USP37: variants seen among roughly 807,000 people sequenced by gnomAD.
The protein encoded by USP37 is ubiquitin specific peptidase 37.
USP37 carries 27 observed loss-of-function variants against 124.0 expected under a neutral mutation model. That is an observed-to-expected ratio of 0.22 (90% CI 0.16 to 0.30). The LOEUF (loss-of-function observed/expected upper bound fraction) is 0.30, where lower values mean the gene tolerates loss of function less well. Ranked by LOEUF, USP37 falls within the 10% of genes least tolerant of loss-of-function variation. USP37 has a pLI of 1.00. For missense variants in USP37, 889 were observed against 1,140.4 expected (o/e 0.78, Z 3.17); for synonymous variants, 365 against 388.0 (o/e 0.94, Z 0.70).
At chr2:218,505,643 G>C (rs1689640044) in intron 11 of USP37, among the ~76,000 whole-genome samples, 1 of 152,148 alleles carries the variant, frequency 6.6e-6, no homozygotes, top group African/African-American at 2.4e-5. Flanking sequence ...TGATGATTTT[G>C]AGAAGTCTGA....
rs1156939524 is a variant in USP37 at position 218,485,695 on chromosome 2, G to C, written c.1639C>G (p.Leu547Val). 1.3e-6 allele frequency: 2 copies of C among 1,587,250 alleles called. No individual in the cohort carries two copies. Among genetic ancestry groups the C allele is most frequent in the African/African-American group, 2.8e-5 (2 of 71,116 alleles). ...AGCCTGTTAAATTTGTGCCTGACAA[G>C]AGCACACTTCCCACCACACTTCTCA... ...SCEKCGGKCALVRHKFNRLPR... is the reference protein window; with the variant it reads ...SCEKCGGKCAVVRHKFNRLPR... Residue 547 changes from leucine (L) to valine (V), a missense_variant, in exon 16 of 26, where the codon CTT becomes GTT. By Grantham distance (32) the Leu-to-Val change is conservative (BLOSUM62 1). This residue lies in a region of USP37 where 504 missense variants were observed against 714.3 expected (regional missense o/e 0.71). Transcript: ENST00000258399.
intron 14 of USP37, among the ~76,000 whole-genome samples, chr2:218,491,903 A>G (rs907090795): frequency 1.3e-5 from 2 of 152,148 alleles, no homozygotes; most frequent in African/African-American, 4.8e-5. Context: ...GGCACTATCT[A>G]AATGAGAATA....
chr2:218,466,221 T>C (rs1342431258), intron 20 of USP37, 45 bp from the exon 21 acceptor site: 2 of 1,551,310 alleles, frequency 1.3e-6, no homozygotes, highest in East Asian at 2.3e-5. Context: ...TCCTAATAAA[T>C]GGAAATTTCT....
chr2:218,553,202 C>T (rs1039767848), intron 5 of USP37, among the ~76,000 whole-genome samples: 2 of 152,178 alleles, frequency 1.3e-5, no homozygotes, highest in Non-Finnish European at 2.9e-5. Flanking sequence ...CCCCTAAGTA[C>T]GATGTTAGCT....
chr2:218,462,263 AG>A (rs1393354954), intron 22 of USP37, among the ~76,000 whole-genome samples: 2 of 152,170 alleles, frequency 1.3e-5, no homozygotes, highest in African/African-American at 4.8e-5. Flanking sequence ...TGAATCCGGG[AG>A]GCAGAGGTTG....
chr2:218,485,838 G>C, intron 15 of USP37, 95 bp from the exon 16 acceptor site: 1 of 1,333,868 alleles, frequency 7.5e-7, no homozygotes, highest in South Asian at 1.4e-5. Flanking sequence ...TCCATTAGTG[G>C]AATGACAACT....
intron 20 of USP37, among the ~76,000 whole-genome samples, chr2:218,467,595 C>T (rs1040391420): frequency 1.2e-4 from 18 of 152,158 alleles, no homozygotes; most frequent in Non-Finnish European, 7.3e-5. Context: ...GATCCGCCCA[C>T]CTCAGCCTCC....
At chr2:218,498,189 C>T (rs1254012594) in intron 11 of USP37, 32 bp from the exon 12 acceptor site, 8 of 1,555,606 alleles carry the variant, frequency 5.1e-6, no homozygotes, top group Non-Finnish European at 6.9e-6. Context: ...CTTTAGAAGG[C>T]AACAGGAATT....
At chr2:218,473,774 T>C (rs1023626501) in intron 20 of USP37, among the ~76,000 whole-genome samples, 3 of 152,254 alleles carry the variant, frequency 2.0e-5, no homozygotes, top group African/African-American at 7.2e-5. Flanking sequence ...AAAAATAGTA[T>C]AGCATTTTAT....
chr2:218,532,261 C>T (rs1279028141), intron 9 of USP37, among the ~76,000 whole-genome samples: 12 of 151,804 alleles, frequency 7.9e-5, no homozygotes, highest in African/African-American at 2.7e-4. Context: ...AGGTCAGGAG[C>T]TTGAGACCAG....
intron 19 of USP37, among the ~76,000 whole-genome samples, chr2:218,475,552 T>C (rs892332841): frequency 3.3e-5 from 5 of 152,112 alleles, no homozygotes; most frequent in African/African-American, 1.2e-4. Flanking sequence ...CTGGCCAACA[T>C]GGATAAACTC....
intron 1 of USP37, among the ~76,000 whole-genome samples, chr2:218,565,257 C>G (rs567948574): frequency 6.6e-6 from 1 of 152,320 alleles, no homozygotes; most frequent in East Asian, 1.9e-4. Flanking sequence ...TCACCAACAA[C>G]TGACTTAAAT....
intron 14 of USP37, among the ~76,000 whole-genome samples, chr2:218,492,879 C>T (rs1688866330): frequency 6.6e-6 from 1 of 152,056 alleles, no homozygotes; most frequent in Admixed American, 6.6e-5. Context: ...GTGGCATGTG[C>T]TCGTAGTCCT....
intron 17 of USP37, among the ~76,000 whole-genome samples, chr2:218,480,966 A>G (rs773575981): frequency 1.6e-4 from 24 of 152,228 alleles, no homozygotes; most frequent in Admixed American, 2.6e-4. Flanking sequence ...TCTTTCAGAC[A>G]CTAACTGTAT....
chr2:218,513,886 G>A (rs773417537), intron 10 of USP37, among the ~76,000 whole-genome samples: 32 of 151,988 alleles, frequency 2.1e-4, no homozygotes, highest in Admixed American at 7.9e-4. Context: ...CGCGGCTCAC[G>A]GCAACCTCTG....
intron 8 of USP37, among the ~76,000 whole-genome samples, chr2:218,539,896 G>A (rs1406692995): frequency 2.6e-5 from 4 of 151,968 alleles, no homozygotes; most frequent in South Asian, 2.1e-4. Flanking sequence ...TGTGATCCCA[G>A]CTACTCAGGA....
At chr2:218,538,079 A>T (rs1449773239) in intron 8 of USP37, among the ~76,000 whole-genome samples, 1 of 152,214 alleles carries the variant, frequency 6.6e-6, no homozygotes, top group Non-Finnish European at 1.5e-5. Flanking sequence ...TGACAAGAAC[A>T]AGCGTTAGGG....
chr2:218,548,695 A>G (rs1692508590), intron 6 of USP37, among the ~76,000 whole-genome samples: 1 of 148,494 alleles, frequency 6.7e-6, no homozygotes, highest in Admixed American at 6.9e-5. Flanking sequence ...GTATAAATAA[A>G]CCAAAATAAA....
intron 11 of USP37, chr2:218,498,432 A>G (rs1158071748): frequency 1.5e-5 from 3 of 201,592 alleles, no homozygotes; most frequent in African/African-American, 7.0e-5. Context: ...CTGCATTATG[A>G]CATTATAATA....
Sources: gnomAD v4.1 joint callset for allele counts (sites outside exome capture counted in the v4.1 genomes callset) on GRCh38, gnomAD v4.1.1 for gene constraint, gnomAD v4.1.1 regional missense constraint, MANE v1.5 for transcripts, NCBI Gene and HGNC (gene_info 2026-07-23, HGNC 2026-07-21) for gene names.